Variants in AATF observed in about 807,000 individuals in gnomAD.
AATF encodes apoptosis antagonizing transcription factor.
AATF carries 48 observed loss-of-function variants against 63.7 expected under a neutral mutation model. That is an observed-to-expected ratio of 0.75 (90% CI 0.60 to 0.96). The LOEUF (loss-of-function observed/expected upper bound fraction) is 0.96. AATF is among the 40% of genes least tolerant of loss of function. The pLI is 0.00. For synonymous variants in AATF, 258 were observed against 247.7 expected (o/e 1.04, Z -0.39); for missense variants, 639 against 685.7 (o/e 0.93, Z 0.76).
At chr17:37,031,923 A>C (rs1567990935) in intron 11 of AATF, among the ~76,000 whole-genome samples, 1 of 152,160 alleles carries the variant, frequency 6.6e-6, no homozygotes, top group Non-Finnish European at 1.5e-5. Flanking sequence ...TTTGAACTTT[A>C]GCCCAGCGCC....
intron 11 of AATF, among the ~76,000 whole-genome samples, chr17:37,051,693 G>GACAGACAC (rs1311366494): frequency 1.4e-5 from 2 of 140,942 alleles, no homozygotes; most frequent in Non-Finnish European, 3.1e-5. Context: ...CAGACAGACA[G>GACAGACAC]ACAGACACAC....
intron 2 of AATF, among the ~76,000 whole-genome samples, chr17:36,951,500 T>C (rs571267704): frequency 2.0e-5 from 3 of 152,310 alleles, no homozygotes; most frequent in East Asian, 3.9e-4. Flanking sequence ...TTATCACCAT[T>C]ATCACTACAT....
chr17:36,956,645 C>G (rs2070903076), intron 4 of AATF, among the ~76,000 whole-genome samples: 1 of 149,138 alleles, frequency 6.7e-6, no homozygotes, highest in South Asian at 2.1e-4. Flanking sequence ...TGCACTCCAG[C>G]CTGGGCAACA....
chr17:36,970,494 AG>A, intron 4 of AATF, among the ~76,000 whole-genome samples: 1 of 152,142 alleles, frequency 6.6e-6, no homozygotes, highest in South Asian at 2.1e-4. Flanking sequence ...TGCAAAGTCA[AG>A]TCAGTCAAGT....
intron 4 of AATF, among the ~76,000 whole-genome samples, chr17:36,955,219 G>A (rs555990391): frequency 9.2e-4 from 140 of 152,314 alleles, no homozygotes; most frequent in African/African-American, 3.0e-3. Context: ...AGGTAGAACC[G>A]CCTTAAGACA....
At chr17:37,009,365 A>G (rs8076382) in intron 8 of AATF, among the ~76,000 whole-genome samples, 39,162 of 147,578 alleles carry the variant, frequency 0.27, 7,390 homozygotes, top group African/African-American at 0.54. Context: ...GGCTGGTCTC[A>G]AACTCCTGAC....
Position 37,056,792 on chromosome 17 carries a change from C to T in AATF, c.*128C>T. 9.7e-7 allele frequency: 1 copy of T among 1,028,350 alleles called. No homozygotes were observed. 63.7% of individuals were successfully genotyped at this position (1,028,350 alleles called of 1,614,324 possible). ...CCTGGAAAGATGCTGCGTTCCGAAC[C>T]TGTGCCTAATACACGCAAGGGCGCT... On this transcript the variant is annotated 3_prime_UTR_variant, in exon 12 of 12. Transcript: ENST00000619387.
chr17:37,039,063 T>C (rs1032343202), intron 11 of AATF, among the ~76,000 whole-genome samples: 4 of 152,178 alleles, frequency 2.6e-5, no homozygotes, highest in African/African-American at 9.6e-5. Context: ...GATATTCTTT[T>C]CCCCCAGTTG....
At chr17:36,981,351 G>A (rs2071121912) in intron 4 of AATF, among the ~76,000 whole-genome samples, 1 of 151,966 alleles carries the variant, frequency 6.6e-6, no homozygotes, top group Non-Finnish European at 1.5e-5. Context: ...TTATTCTCTG[G>A]GTGGTTGTTG....
intron 8 of AATF, among the ~76,000 whole-genome samples, chr17:37,006,627 C>T (rs567646140): frequency 2.9e-4 from 44 of 152,324 alleles, no homozygotes; most frequent in Non-Finnish European, 5.6e-4. Flanking sequence ...TAGTGATTTA[C>T]TTACACTTCT....
At chr17:37,049,678 A>AGTG (rs2071729623) in intron 11 of AATF, among the ~76,000 whole-genome samples, 1 of 151,694 alleles carries the variant, frequency 6.6e-6, no homozygotes, top group Non-Finnish European at 1.5e-5. Context: ...TGGAGGAGTG[A>AGTG]GTAGCCTTTG....
intron 11 of AATF, among the ~76,000 whole-genome samples, chr17:37,043,525 C>T (rs1018711909): frequency 3.9e-5 from 6 of 152,166 alleles, no homozygotes; most frequent in African/African-American, 1.4e-4. Flanking sequence ...CACAGACACA[C>T]TTATTGGGGG....
chr17:36,953,346 G>C (rs779330330), intron 3 of AATF, 50 bp downstream of exon 3: 14 of 1,572,960 alleles, frequency 8.9e-6, no homozygotes, highest in Middle Eastern at 1.7e-4. Context: ...ATCTGCATTT[G>C]GTCTACTTTT....
At chr17:37,053,110 A>C (rs1035111852) in intron 11 of AATF, among the ~76,000 whole-genome samples, 1 of 152,200 alleles carries the variant, frequency 6.6e-6, no homozygotes, top group Admixed American at 6.5e-5. Context: ...GTCTACAAAA[A>C]ACAAAAAAAT....
chr17:37,021,287 A>G (rs182288596), intron 10 of AATF: 94 of 344,936 alleles, frequency 2.7e-4, no homozygotes, highest in African/African-American at 1.7e-3. Context: ...CAAAAGTAAA[A>G]TAGTTGAAAT....
At chr17:36,977,447 T>C (rs2071087507) in intron 4 of AATF, among the ~76,000 whole-genome samples, 1 of 152,072 alleles carries the variant, frequency 6.6e-6, no homozygotes, top group African/African-American at 2.4e-5. Context: ...GGCATTTGCT[T>C]AGAGACAGTT....
At chr17:37,003,722 C>T (rs570738407) in intron 8 of AATF, among the ~76,000 whole-genome samples, 2 of 151,776 alleles carry the variant, frequency 1.3e-5, no homozygotes, top group South Asian at 2.1e-4. Flanking sequence ...CTGCCTCAGC[C>T]TCCCAAAGTG....
chr17:37,036,714 C>G (rs757569388), intron 11 of AATF, among the ~76,000 whole-genome samples: 2 of 151,960 alleles, frequency 1.3e-5, no homozygotes, highest in Non-Finnish European at 2.9e-5. Context: ...TGATTTAATG[C>G]TTTCGGATCT....
At chr17:36,988,449 G>A in intron 5 of AATF, 70 bp from the exon 6 acceptor site, 1 of 1,468,472 alleles carries the variant, frequency 6.8e-7, no homozygotes, top group Admixed American at 1.9e-5. Flanking sequence ...AGTCCTTTAT[G>A]TGAGCCTAGT....
Sources: allele counts gnomAD v4.1 joint callset (sites outside exome capture counted in the v4.1 genomes callset), GRCh38; gene constraint gnomAD v4.1.1; transcripts MANE v1.5; gene names NCBI Gene and HGNC (gene_info 2026-07-23, HGNC 2026-07-21).